PCDHGA2: variants seen among roughly 807,000 people sequenced by gnomAD.
The protein encoded by PCDHGA2 is protocadherin gamma-A2.
Under a neutral mutation model 59.2 loss-of-function variants are expected in PCDHGA2, and 40 were observed. That is an observed-to-expected ratio of 0.68 (90% CI 0.52 to 0.88). PCDHGA2 has a LOEUF of 0.88. Ranked by LOEUF, PCDHGA2 falls within the 40% of genes least tolerant of loss-of-function variation. The pLI, the probability that PCDHGA2 is intolerant of heterozygous loss-of-function variation, is 0.00. For missense variants in PCDHGA2, 1,226 were observed against 1,204.0 expected (o/e 1.02, Z -0.27); for synonymous variants, 560 against 526.0 (o/e 1.06, Z -0.89).
Position 141,432,325 on chromosome 5 carries a change from C to CGAGCA in PCDHGA2, c.2425-62480_2425-62476dup, listed in dbSNP as rs768604869. On this transcript the variant is annotated intron_variant, in intron 1 of 3. Coordinates refer to ENST00000394576, the MANE Select transcript of PCDHGA2 (RefSeq NM_018915.4). This position sits in a 1 kb window ranked among gnomAD's most constrained non-coding sequence, Gnocchi z 6.0. Reference sequence around the variant, plus strand: ...TGTATGCGCTGAGCTCCTTCGACTACGAGCAGTTCCGAGACTTGCAAGTGA... The same window carrying CGAGCA: ...TGTATGCGCTGAGCTCCTTCGACTACGAGCAGAGCAGTTCCGAGACTTGCAAGTGA... 20 of 1,614,142 alleles carry CGAGCA rather than the reference C, an allele frequency of 1.2e-5. No individual in the cohort carries two copies. Among genetic ancestry groups the CGAGCA allele is most frequent in the Non-Finnish European group, 1.7e-5 (20 of 1,180,050 alleles).
chr5:141,355,133 ATCCTG>A, intron 1 of PCDHGA2: 1 of 1,521,784 alleles, frequency 6.6e-7, no homozygotes, highest in East Asian at 2.3e-5. Context: ...GACCCAGAAG[ATCCTG>A]GGGCTCCTCA....
Position 141,421,724 on chromosome 5 carries a change from A to G in PCDHGA2, c.2425-73083A>G, listed in dbSNP as rs541532003. On this transcript the variant is annotated intron_variant, in intron 1 of 3. Transcript: ENST00000394576. ...GCTAGGGATCCAGATGTGGGCGTGA[A>G]CTCCCTCCAGAGCTACCAGCTCAGC... 250 of 1,613,766 alleles carry G rather than the reference A, an allele frequency of 1.5e-4. 5 individuals are homozygous for G. The South Asian group carries it at 2.6e-3, about 17-fold the overall frequency.
At chr5:141,383,501 A>G in intron 1 of PCDHGA2, 1 of 1,612,940 alleles carries the variant, frequency 6.2e-7, no homozygotes. Context: ...CGGGTGCTGG[A>G]CCGGGAGGAA....
intron 1 of PCDHGA2, among the ~76,000 whole-genome samples, chr5:141,352,902 C>T (rs1561504413): frequency 6.6e-6 from 1 of 152,122 alleles, no homozygotes; most frequent in Non-Finnish European, 1.5e-5. Flanking sequence ...ACAGGAGGAT[C>T]GCTTGAGCCC....
chr5:141,394,336 A>C lies in PCDHGA2; in HGVS notation c.2424+52941A>C, dbSNP rs1205005872. On this transcript the variant is annotated intron_variant, in intron 1 of 3. Coordinates refer to ENST00000394576, the MANE Select transcript of PCDHGA2 (RefSeq NM_018915.4). ...CCCCTGTCCTCGTATATCTCCATCA[A>C]CTCTGACACCGGTGTCCTGTATGCG... 6.2e-7 allele frequency: 1 copy of C among 1,613,822 alleles called. No homozygotes were observed. The highest frequency in any genetic ancestry group is 1.1e-5 in the South Asian group (1 of 91,058).
chr5:141,340,102 G>A lies in PCDHGA2; in HGVS notation c.1131G>A (p.Gly377=), dbSNP rs1756906668. 1 of 1,614,070 alleles carries A rather than the reference G, an allele frequency of 6.2e-7. No homozygotes were observed. The highest frequency in any genetic ancestry group is 1.1e-5 in the South Asian group (1 of 91,082). Residue 377 remains glycine, a synonymous_variant, in exon 1 of 4, where the codon GGG becomes GGA. Transcript: ENST00000394576. ...GLFNVHDRDS[G]QNAFTTCSLP... ...TTAATGTACATGATAGAGACTCTGG[G>A]CAGAACGCATTCACCACCTGTTCAC...
At chr5:141,350,245 G>A in intron 1 of PCDHGA2, 1 of 1,505,130 alleles carries the variant, frequency 6.6e-7, no homozygotes, top group South Asian at 1.4e-5. Flanking sequence ...AAGAAGCTCC[G>A]CGGAGAGTTC....
chr5:141,366,586 CTA>C, intron 1 of PCDHGA2: 1 of 1,614,262 alleles, frequency 6.2e-7, no homozygotes, highest in Non-Finnish European at 8.5e-7. Flanking sequence ...TCCTGCAGAC[CTA>C]TTCCCACGAG....
chr5:141,486,561 T>C lies in PCDHGA2; in HGVS notation c.2425-8246T>C. ...TTCTTTCAGAGGTCACATGAGGTGT[T>C]TGTTCCTGAGAACAATCGCCCAGGG... On this transcript the variant is annotated intron_variant, in intron 1 of 3. Transcript: ENST00000394576. This position sits in a 1 kb window ranked among gnomAD's most constrained non-coding sequence, Gnocchi z 5.0. 6.2e-7 allele frequency: 1 copy of C among 1,614,076 alleles called. No individual in the cohort carries two copies. Among genetic ancestry groups the C allele is most frequent in the Non-Finnish European group, 8.5e-7 (1 of 1,180,030 alleles).
intron 1 of PCDHGA2, chr5:141,344,979 G>A (rs1337993942): frequency 6.2e-7 from 1 of 1,613,794 alleles, no homozygotes; most frequent in African/African-American, 1.3e-5. Context: ...CATGTTCTAT[G>A]AAATTAAAAT....
intron 1 of PCDHGA2, among the ~76,000 whole-genome samples, chr5:141,443,667 C>G (rs62379164): frequency 0.042 from 6,382 of 152,210 alleles, 168 homozygotes; most frequent in Middle Eastern, 0.088. Flanking sequence ...TTTTACTGAA[C>G]TAGTAGTTTA....
In PCDHGA2 at chr5:141,476,622, T is replaced by C. The variant is rs1480639256; in HGVS notation, c.2425-18185T>C. The C allele has an allele frequency of 6.2e-7, 1 of 1,614,238 alleles. No individual in the cohort carries two copies. The highest frequency in any genetic ancestry group is 2.2e-5 in the East Asian group (1 of 44,878). On this transcript the variant is annotated intron_variant, in intron 1 of 3. Transcript: ENST00000394576. This position sits in a 1 kb window ranked among gnomAD's most constrained non-coding sequence, Gnocchi z 7.6. ...GATCCCGATGTGGGAAGCAACTCTT[T>C]ACAAACCTATGAGCTGAGCCGAAAT...
At chr5:141,370,963 G>A in intron 1 of PCDHGA2, 1 of 1,614,018 alleles carries the variant, frequency 6.2e-7, no homozygotes, top group Non-Finnish European at 8.5e-7. Flanking sequence ...GATGGCAGTA[G>A]GTACCCAGAG....
At position 141,476,033 on chromosome 5, in the gene PCDHGA2, C is replaced by T; in HGVS notation, c.2425-18774C>T. On this transcript the variant is annotated intron_variant, in intron 1 of 3. Transcript: ENST00000394576. The surrounding 1 kb of genome is among the most constrained non-coding windows in gnomAD (Gnocchi z 7.6). The stretch of plus-strand genomic sequence containing the variant: ...GCCATGTCGGACTCGGCGCCCAGCG[C>T]CCAAGCGCTAACCCGCTGAAAGTTT... 6.8e-7 allele frequency: 1 copy of T among 1,469,590 alleles called. No individual in the cohort carries two copies. Among genetic ancestry groups the T allele is most frequent in the Non-Finnish European group, 9.0e-7 (1 of 1,105,326 alleles). 91.0% of individuals were successfully genotyped at this position (1,469,590 alleles called of 1,614,324 possible). A position where few individuals can be genotyped will look rare whatever the true frequency, so the allele number is the denominator to read the frequency against.
At chr5:141,504,671 G>C (rs1459848730) in intron 2 of PCDHGA2, among the ~76,000 whole-genome samples, 1 of 111,068 alleles carries the variant, frequency 9.0e-6, no homozygotes, top group East Asian at 3.2e-4. Context: ...GGGGGGTGGG[G>C]GTTCTTGTAA....
intron 1 of PCDHGA2, chr5:141,408,227 C>G (rs771279344): frequency 1.9e-6 from 3 of 1,562,978 alleles, no homozygotes; most frequent in East Asian, 2.4e-5. Context: ...CGCGCAGAGG[C>G]GCCGGGCCGG....
chr5:141,343,972 G>C, intron 1 of PCDHGA2: 2 of 1,390,454 alleles, frequency 1.4e-6, no homozygotes, highest in Non-Finnish European at 1.9e-6. Flanking sequence ...GAGAAAATAA[G>C]ATTGGAGTCC....
In PCDHGA2 at chr5:141,447,883, C is replaced by T. The variant is rs184337553; in HGVS notation, c.2425-46924C>T. Among the ~76,000 whole-genome samples the T allele has an allele frequency of 3.9e-3, 599 of 152,000 alleles. 3 individuals are homozygous for T. The highest frequency in any genetic ancestry group is 0.014 in the African/African-American group (563 of 41,452). ...GGTGAATCATCTGAGGTCAGGAGTT[C>T]GAGACCAGCCTGGCCAACATGGTGA... On this transcript the variant is annotated intron_variant, in intron 1 of 3. Coordinates refer to ENST00000394576, the MANE Select transcript of PCDHGA2 (RefSeq NM_018915.4).
chr5:141,347,720 G>A (rs1466782410), intron 1 of PCDHGA2, among the ~76,000 whole-genome samples: 1 of 151,346 alleles, frequency 6.6e-6, no homozygotes, highest in Non-Finnish European at 1.5e-5. Context: ...CCAGGAGGCA[G>A]AAGTTGCAGA....
Sources: gnomAD v4.1 joint callset for allele counts (sites outside exome capture counted in the v4.1 genomes callset) on GRCh38, gnomAD v4.1.1 for gene constraint, Gnocchi (gnomAD v3.1) non-coding constraint, MANE v1.5 for transcripts, NCBI Gene and HGNC (gene_info 2026-07-23, HGNC 2026-07-21) for gene names.